The following SMARCA4 variants were observed in gnomAD, a reference collection of about 807,000 sequenced individuals.
SMARCA4 encodes SWI/SNF-related matrix-associated actin-dependent regulator of chromatin subfamily A member 4.
In SMARCA4, 31 loss-of-function variants were observed where a neutral mutation model predicts 193.9. The observed-to-expected ratio is 0.16, with a 90% CI of 0.12 to 0.22. The LOEUF is 0.22. Ranked by LOEUF, SMARCA4 falls within the 10% of genes least tolerant of loss-of-function variation. The pLI is 1.00. For synonymous variants in SMARCA4, 942 were observed against 933.1 expected, an observed-to-expected ratio of 1.01 and a Z score of -0.17; for missense variants, 1,148 against 2,296.0, an observed-to-expected ratio of 0.50 and a Z score of 10.22.
At chr19:11,002,852 G>A (rs1372695355) in intron 11 of SMARCA4, among the ~76,000 whole-genome samples, 177 bp from the exon 12 acceptor site, 2 of 151,724 alleles carry the variant, frequency 1.3e-5, no homozygotes, top group African/African-American at 4.8e-5. Context: ...AGGTTGATGG[G>A]TTATATATTT....
chr19:11,003,318 A>G (rs1381760127), intron 12 of SMARCA4, 22 bp from the exon 13 acceptor site: 3 of 1,612,568 alleles, frequency 1.9e-6, no homozygotes, highest in Non-Finnish European at 2.5e-6. Flanking sequence ...GATTTGTATG[A>G]AAGCCCTTAC....
At chr19:11,057,587 G>A (rs1403385420) in intron 30 of SMARCA4, among the ~76,000 whole-genome samples, 2 of 151,952 alleles carry the variant, frequency 1.3e-5, no homozygotes, top group African/African-American at 4.8e-5. Flanking sequence ...AAATTAGCCG[G>A]GTGTGGTGGC....
intron 16 of SMARCA4, among the ~76,000 whole-genome samples, chr19:11,017,508 C>T (rs2089474128): frequency 6.6e-6 from 1 of 152,274 alleles, no homozygotes. Context: ...GGCGTATGGG[C>T]ATCCGGCTGT....
intron 1 of SMARCA4, among the ~76,000 whole-genome samples, chr19:10,979,345 G>T (rs2085381218): frequency 6.6e-6 from 1 of 151,242 alleles, no homozygotes; most frequent in Non-Finnish European, 1.5e-5. Flanking sequence ...CAATGTCTAT[G>T]AAAATGAGAA....
chr19:10,998,503 CTTTT>C (rs60264578), intron 11 of SMARCA4, among the ~76,000 whole-genome samples: 1 of 137,976 alleles, frequency 7.2e-6, no homozygotes. Context: ...CTTTTAGTAT[CTTTT>C]TTTTTTTTTT....
Position 11,034,897 on chromosome 19 carries a change from G to GC in SMARCA4, c.3952-15dup, listed in dbSNP as rs1309539665. 1 of 1,538,400 alleles carries GC rather than the reference G, an allele frequency of 6.5e-7. No individual in the cohort carries two copies. The highest frequency in any genetic ancestry group is 2.4e-5 in the East Asian group (1 of 41,252). ...CCTGCATGCTGATGCCTCTCCCGTT[G>GC]CCTCCCTGCCCACCAGCGCATGGAC... On this transcript the variant is annotated splice_polypyrimidine_tract_variant and intron_variant, in intron 28 of 34. Transcript: ENST00000344626. This position sits in a 1 kb window ranked among gnomAD's most constrained non-coding sequence, Gnocchi z 7.0.
chr19:11,048,039 T>C (rs2076047844), intron 30 of SMARCA4, among the ~76,000 whole-genome samples: 1 of 152,144 alleles, frequency 6.6e-6, no homozygotes, highest in Admixed American at 6.5e-5. Flanking sequence ...GGAAGCTTCC[T>C]CGCCACCGAC....
At chr19:10,983,558 C>A (rs1028745797) in intron 1 of SMARCA4, 2 of 156,942 alleles carry the variant, frequency 1.3e-5, no homozygotes, top group Admixed American at 1.2e-4. Flanking sequence ...CCTCAGCCTC[C>A]GGAGTAGCTG....
intron 23 of SMARCA4, 190 bp from the exon 24 acceptor site, chr19:11,027,594 G>A (rs1381015108): frequency 1.0e-5 from 7 of 689,888 alleles, no homozygotes; most frequent in Non-Finnish European, 1.3e-5. Context: ...GAGGGTGGCC[G>A]GGCTTATTTC....
At chr19:11,002,672 A>G (rs979650023) in intron 11 of SMARCA4, among the ~76,000 whole-genome samples, 1 of 151,836 alleles carries the variant, frequency 6.6e-6, no homozygotes, top group African/African-American at 2.4e-5. Flanking sequence ...CAGTTACCTT[A>G]AAGAAACAGG....
At chr19:10,996,119 G>A (rs1276691492) in intron 9 of SMARCA4, 94 bp from the exon 10 acceptor site, 8 of 1,271,130 alleles carry the variant, frequency 6.3e-6, no homozygotes, top group South Asian at 2.4e-5. Context: ...TGAGCTACGC[G>A]TGCCCTCAGT....
At position 11,033,883 on chromosome 19, in the gene SMARCA4, G is replaced by T; in HGVS notation, c.3873+18G>T. ...CTCTAAAGGTGAGAGGGGTAGTTCA[G>T]TCTCCATGCCCATTCAATCCTCGGC... is the stretch of plus-strand genomic sequence containing the variant. On this transcript the variant is annotated intron_variant, in intron 27 of 34. Transcript: ENST00000344626. This position sits in a 1 kb window ranked among gnomAD's most constrained non-coding sequence, Gnocchi z 9.8. The T allele has an allele frequency of 2.6e-6, 2 of 776,708 alleles. No homozygotes were observed. The allele number at this position is 776,708 out of a possible 1,614,324, so 48.1% of individuals were successfully genotyped here. A position where few individuals can be genotyped will look rare whatever the true frequency, so the allele number is the denominator to read the frequency against.
chr19:11,009,456 G>A (rs562468701), intron 14 of SMARCA4, among the ~76,000 whole-genome samples: 2 of 152,274 alleles, frequency 1.3e-5, no homozygotes, highest in African/African-American at 4.8e-5. Flanking sequence ...TAGAAAGGGT[G>A]GGTTCTATGA....
chr19:11,012,726 G>A (rs546175831), intron 15 of SMARCA4: 12 of 595,628 alleles, frequency 2.0e-5, no homozygotes, highest in South Asian at 1.4e-4. Flanking sequence ...TCCATCGTTC[G>A]CACAGTCATC....
In SMARCA4 at chr19:10,995,076, A is replaced by T. The variant is rs112814729; in HGVS notation, c.1593+75A>T. 3 of 1,373,438 alleles carry T rather than the reference A, an allele frequency of 2.2e-6. No individual in the cohort carries two copies. The South Asian group carries it at 3.7e-5, about 17-fold the overall frequency. The allele number at this position is 1,373,438 out of a possible 1,614,324, so 85.1% of individuals were successfully genotyped here. A position where few individuals can be genotyped will look rare whatever the true frequency, so the allele number is the denominator to read the frequency against. Reference sequence around the variant, plus strand: ...CTGCGGGCTCCAGGGGTCACTCCCCAGGGTTACGCCAAGGCATTTCACAGC... The same window carrying T: ...CTGCGGGCTCCAGGGGTCACTCCCCTGGGTTACGCCAAGGCATTTCACAGC... On this transcript the variant is annotated intron_variant, in intron 9 of 34. Transcript: ENST00000344626.
chr19:11,005,277 G>A (rs1017577880), intron 13 of SMARCA4, among the ~76,000 whole-genome samples: 1 of 152,168 alleles, frequency 6.6e-6, no homozygotes, highest in African/African-American at 2.4e-5. Context: ...GTGAAATCTG[G>A]TTCCTGCATA....
At chr19:11,021,150 C>T (rs2089831468) in intron 18 of SMARCA4, 2 of 198,626 alleles carry the variant, frequency 1.0e-5, no homozygotes, top group Non-Finnish European at 2.1e-5. Flanking sequence ...TCTGAAACCC[C>T]GTGCTCCCCT....
At chr19:11,039,023 C>T (rs745960421) in intron 29 of SMARCA4, among the ~76,000 whole-genome samples, 1 of 151,772 alleles carries the variant, frequency 6.6e-6, no homozygotes, top group Non-Finnish European at 1.5e-5. Flanking sequence ...GAGTTTGAGA[C>T]CAGTCTGGCC....
intron 1 of SMARCA4, among the ~76,000 whole-genome samples, chr19:10,963,384 A>AAT (rs1315594940): frequency 6.6e-6 from 1 of 151,110 alleles, no homozygotes; most frequent in African/African-American, 2.4e-5. Flanking sequence ...AAAAAAAAAA[A>AAT]AAAAAAAGAA....
Sources: allele counts gnomAD v4.1 joint callset (sites outside exome capture counted in the v4.1 genomes callset), GRCh38; gene constraint gnomAD v4.1.1; non-coding constraint Gnocchi (gnomAD v3.1); transcripts MANE v1.5; gene names NCBI Gene and HGNC (gene_info 2026-07-23, HGNC 2026-07-21).